The following ASTN2 variants were observed in gnomAD, a reference collection of about 807,000 sequenced individuals.
ASTN2 encodes the protein astrotactin 2.
In ASTN2, 54 loss-of-function variants were observed where a neutral mutation model predicts 139.8. The observed-to-expected ratio is 0.39, with a 90% CI of 0.31 to 0.48. ASTN2 has a LOEUF of 0.48. Ranked by LOEUF, ASTN2 falls within the 20% of genes least tolerant of loss-of-function variation. ASTN2 has a pLI of 0.95. For synonymous variants in ASTN2, 756 were observed against 719.5 expected, an observed-to-expected ratio of 1.05 and a Z score of -0.81; for missense variants, 1,565 against 1,725.1, an observed-to-expected ratio of 0.91 and a Z score of 1.64.
rs1554724602 is a variant in ASTN2, at chr9:116,642,132, C to CCAAAAAAAAAAAAAAA, written c.3072+9395_3072+9396insTTTTTTTTTTTTTTTG. Among the ~76,000 whole-genome samples, 10 of 48,938 alleles carry CCAAAAAAAAAAAAAAA rather than the reference C, an allele frequency of 2.0e-4. 3 individuals are homozygous for CCAAAAAAAAAAAAAAA. The highest frequency in any genetic ancestry group is 4.6e-4 in the African/African-American group (6 of 13,094). 32.1% of individuals were successfully genotyped at this position (48,938 alleles called of 152,430 possible). A position where few individuals can be genotyped will look rare whatever the true frequency, so the allele number is the denominator to read the frequency against. On this transcript the variant is annotated intron_variant, in intron 17 of 22. Transcript: ENST00000313400. ...TGGGAAAATGAAGGCTCCCAACCCACAAAAAAAAAAAAACAAAAAAAAACA... is the reference window on the plus strand; with the variant it reads ...TGGGAAAATGAAGGCTCCCAACCCACCAAAAAAAAAAAAAAAAAAAAAAAAAAAACAAAAAAAAACA...
chr9:116,945,633 C>T (rs1168927019), intron 10 of ASTN2, among the ~76,000 whole-genome samples: 1 of 151,980 alleles, frequency 6.6e-6, no homozygotes, highest in African/African-American at 2.4e-5. Flanking sequence ...GCCCTCCCTC[C>T]CTTCCTTCCT....
At chr9:116,852,933 T>C (rs1177409448) in intron 11 of ASTN2, among the ~76,000 whole-genome samples, 2 of 146,204 alleles carry the variant, frequency 1.4e-5, no homozygotes, top group African/African-American at 5.2e-5. Flanking sequence ...AAGATCAAGC[T>C]AGGAAGTCAG....
intron 2 of ASTN2, among the ~76,000 whole-genome samples, chr9:117,282,902 C>T (rs1834358364): frequency 7.4e-6 from 1 of 134,426 alleles, no homozygotes; most frequent in Non-Finnish European, 1.5e-5. Context: ...CAAGAGCTGA[C>T]TAGCCTGGAA....
intron 5 of ASTN2, among the ~76,000 whole-genome samples, chr9:117,093,549 T>C (rs565056447): frequency 1.3e-5 from 2 of 152,280 alleles, no homozygotes; most frequent in South Asian, 2.1e-4. Flanking sequence ...TGGACCTCCC[T>C]TGGCTCACCT....
chr9:116,638,562 A>C (rs1564173972), intron 17 of ASTN2, among the ~76,000 whole-genome samples: 1 of 152,224 alleles, frequency 6.6e-6, no homozygotes, highest in South Asian at 2.1e-4. Flanking sequence ...AGCCCGATCA[A>C]GCCTCTAGAC....
intron 16 of ASTN2, among the ~76,000 whole-genome samples, chr9:116,659,368 A>C (rs1436096396): frequency 6.6e-6 from 1 of 152,146 alleles, no homozygotes; most frequent in African/African-American, 2.4e-5. Context: ...TGAATGCATA[A>C]ATCTGACTCC....
At chr9:116,516,723 T>G (rs1461428700) in intron 19 of ASTN2, among the ~76,000 whole-genome samples, 1 of 152,228 alleles carries the variant, frequency 6.6e-6, no homozygotes, top group Non-Finnish European at 1.5e-5. Flanking sequence ...GGGGCAAGTT[T>G]TCAGCCCTGG....
chr9:116,824,995 G>T (rs768541048), intron 11 of ASTN2, among the ~76,000 whole-genome samples: 1 of 152,196 alleles, frequency 6.6e-6, no homozygotes, highest in Non-Finnish European at 1.5e-5. Context: ...AATCCTGTAG[G>T]AAGGAAGTTC....
intron 10 of ASTN2, among the ~76,000 whole-genome samples, chr9:116,933,130 T>C (rs1564347230): frequency 3.3e-5 from 5 of 152,236 alleles, no homozygotes; most frequent in Admixed American, 3.3e-4. Context: ...TCTATGCTAT[T>C]GTAGACTAAT....
intron 10 of ASTN2, among the ~76,000 whole-genome samples, chr9:116,912,568 T>C (rs1042208076): frequency 3.9e-5 from 6 of 152,238 alleles, no homozygotes; most frequent in Admixed American, 3.3e-4. Context: ...ATTCCTTTAA[T>C]AAAACATTTA....
At chr9:117,088,943 G>A (rs1828635461) in intron 5 of ASTN2, among the ~76,000 whole-genome samples, 1 of 152,114 alleles carries the variant, frequency 6.6e-6, no homozygotes, top group East Asian at 1.9e-4. Flanking sequence ...TTGTGCCCAG[G>A]GCTGGGCAAA....
At chr9:116,559,947 C>CCG (rs1331779409) in intron 19 of ASTN2, among the ~76,000 whole-genome samples, 17 of 152,144 alleles carry the variant, frequency 1.1e-4, no homozygotes, top group Non-Finnish European at 2.4e-4. Context: ...ACTATTATTG[C>CCG]CGCTTTTTAT....
intron 11 of ASTN2, among the ~76,000 whole-genome samples, chr9:116,848,298 T>A (rs540320826): frequency 6.6e-6 from 1 of 152,158 alleles, no homozygotes; most frequent in African/African-American, 2.4e-5. Context: ...CTTCTCTGAG[T>A]AGCACAGAGC....
chr9:117,404,767 G>T (rs1830933196), intron 1 of ASTN2, among the ~76,000 whole-genome samples: 1 of 152,008 alleles, frequency 6.6e-6, no homozygotes, highest in South Asian at 2.1e-4. Flanking sequence ...ATTTCTCAGA[G>T]GACAAGATCA....
intron 13 of ASTN2, among the ~76,000 whole-genome samples, chr9:116,804,335 A>G (rs1223098040): frequency 6.6e-6 from 1 of 152,088 alleles, no homozygotes; most frequent in Non-Finnish European, 1.5e-5. Context: ...TTAATTTCTC[A>G]ATTGTAAAAT....
At chr9:116,932,969 G>A (rs943496365) in intron 10 of ASTN2, among the ~76,000 whole-genome samples, 3 of 130,358 alleles carry the variant, frequency 2.3e-5, no homozygotes, top group Admixed American at 1.9e-4. Flanking sequence ...TTGAGCCACT[G>A]CACTCCAGCC....
At chr9:116,567,644 G>A (rs970399144) in intron 19 of ASTN2, among the ~76,000 whole-genome samples, 4 of 152,202 alleles carry the variant, frequency 2.6e-5, no homozygotes, top group Non-Finnish European at 5.9e-5. Flanking sequence ...GAAGGCAGAA[G>A]ACAGCAAGAC....
intron 5 of ASTN2, among the ~76,000 whole-genome samples, chr9:117,082,939 A>G (rs1049428642): frequency 1.3e-5 from 2 of 152,198 alleles, no homozygotes; most frequent in Non-Finnish European, 2.9e-5. Flanking sequence ...TTTCAGGTAT[A>G]AGCTATAATA....
chr9:117,303,912 G>T (rs932951941), intron 1 of ASTN2, among the ~76,000 whole-genome samples: 2 of 152,214 alleles, frequency 1.3e-5, no homozygotes, highest in Non-Finnish European at 2.9e-5. Flanking sequence ...ACTGGGGCTT[G>T]CCCCCTCTTG....
Sources: gnomAD v4.1 joint callset for allele counts (sites outside exome capture counted in the v4.1 genomes callset) on GRCh38, gnomAD v4.1.1 for gene constraint, MANE v1.5 for transcripts, NCBI Gene and HGNC (gene_info 2026-07-23, HGNC 2026-07-21) for gene names.